Variants in PRSS55 observed in about 807,000 individuals in gnomAD.
PRSS55 encodes the protein probable serine protease UNQ9391/PRO34284.
PRSS55 carries 41 observed loss-of-function variants against 23.6 expected under a neutral mutation model. The ratio of observed to expected loss-of-function variants is 1.74; its 90% CI spans 1.35 to 2.26. PRSS55 has a LOEUF of 2.26. PRSS55 is among the 30% of genes most tolerant of loss of function. The pLI is 0.00. For missense variants in PRSS55, 669 were observed against 439.1 expected (o/e 1.52, Z -4.68); for synonymous variants, 262 against 175.5 (o/e 1.49, Z -3.90).
At chr8:10,538,369 A>T in intron 4 of PRSS55, 107 bp from the exon 5 acceptor site, 2 of 872,420 alleles carry the variant, frequency 2.3e-6, no homozygotes, top group Non-Finnish European at 3.5e-6. Context: ...GTGGGTTGGC[A>T]GCCAGAGTTG....
intron 4 of PRSS55, among the ~76,000 whole-genome samples, chr8:10,544,347 T>G (rs1293579006): frequency 6.6e-6 from 1 of 152,184 alleles, no homozygotes; most frequent in African/African-American, 2.4e-5. Context: ...ATCAGCTCTT[T>G]CATCATTATC....
intron 4 of PRSS55, among the ~76,000 whole-genome samples, chr8:10,551,802 C>G (rs533243129): frequency 6.6e-6 from 1 of 152,336 alleles, no homozygotes; most frequent in Middle Eastern, 3.4e-3. Context: ...CTGTGTCAAG[C>G]CCCGTGCTGT....
chr8:10,528,058 A>G (rs1356143638), intron 1 of PRSS55, among the ~76,000 whole-genome samples: 1 of 152,116 alleles, frequency 6.6e-6, no homozygotes, highest in Non-Finnish European at 1.5e-5. Context: ...CTACTAAAAA[A>G]TACAAAAACT....
At chr8:10,548,690 AAGG>A (rs1812879956) in intron 4 of PRSS55, among the ~76,000 whole-genome samples, 2 of 152,190 alleles carry the variant, frequency 1.3e-5, no homozygotes, top group South Asian at 4.1e-4. Flanking sequence ...GCCCAGGCAC[AAGG>A]TGGGACCCGG....
Position 10,529,308 on chromosome 8 carries a change from C to G in PRSS55, c.155-199C>G, listed in dbSNP as rs1812156399. On this transcript the variant is annotated intron_variant, in intron 1 of 4. Coordinates refer to ENST00000328655, the MANE Select transcript of PRSS55 (RefSeq NM_198464.4). The stretch of plus-strand genomic sequence containing the variant: ...GCTTCTGACTCTATCTGTTGCTGAG[C>G]TCTGTGTAGACAAAATAAACCATCT... The G allele has an allele frequency of 1.1e-5, 7 of 625,966 alleles. No individual in the cohort carries two copies. In the East Asian group the frequency reaches 1.7e-4, roughly 15 times the overall value. The allele number at this position is 625,966 out of a possible 1,614,324, so 38.8% of individuals were successfully genotyped here.
intron 1 of PRSS55, among the ~76,000 whole-genome samples, chr8:10,526,700 T>C (rs12679591): frequency 0.12 from 18,454 of 152,230 alleles, 1,500 homozygotes; most frequent in East Asian, 0.31. Context: ...ATGGATCCCA[T>C]TGATGCAAAA....
In PRSS55 at chr8:10,532,920, G is replaced by C; in HGVS notation, c.613G>C (p.Val205Leu). ...GQTNAADKNS[V>L]KTDLMKAPMV... ...CTCTGGGCCAGCTGACAAAAACTCT[G>C]TGAAAACGGATCTGATGAAAGCGCC... Residue 205 changes from valine to leucine, a missense_variant, in exon 4 of 5, where the codon GTG becomes CTG. By Grantham distance (32) the Val-to-Leu change is conservative (BLOSUM62 1). Coordinates refer to ENST00000328655, the MANE Select transcript of PRSS55 (RefSeq NM_198464.4). 1 of 1,614,186 alleles carries C rather than the reference G, an allele frequency of 6.2e-7. No individual in the cohort carries two copies.
At position 10,536,687 on chromosome 8, in the gene PRSS55, A is replaced by AG. The variant is rs370187592; in HGVS notation, c.742-1789_742-1788insG. Among the ~76,000 whole-genome samples, 142 of 152,092 alleles carry AG rather than the reference A, an allele frequency of 9.3e-4. 2 individuals carry two copies. The highest frequency in any genetic ancestry group is 2.5e-3 in the African/African-American group (102 of 41,462). Reference sequence around the variant, plus strand: ...CACTGTGGAATACTACGAAGCCATAAAAAAAAACAAAATCATATCCTTTGC... The same window carrying AG: ...CACTGTGGAATACTACGAAGCCATAAGAAAAAAACAAAATCATATCCTTTGC... On this transcript the variant is annotated intron_variant, in intron 4 of 4. Transcript: ENST00000328655.
intron 4 of PRSS55, among the ~76,000 whole-genome samples, chr8:10,544,346 TTCA>T (rs1246224425): frequency 6.6e-6 from 1 of 152,194 alleles, no homozygotes; most frequent in African/African-American, 2.4e-5. Flanking sequence ...TATCAGCTCT[TTCA>T]TCATTATCAT....
chr8:10,539,044 C>T (rs1723330754), downstream of PRSS55, among the ~76,000 whole-genome samples: 1 of 148,062 alleles, frequency 6.8e-6, no homozygotes, highest in African/African-American at 2.5e-5. Context: ...TTTATGGATA[C>T]ATATAACAGA....
intron 2 of PRSS55, among the ~76,000 whole-genome samples, chr8:10,530,290 T>C (rs1812204856): frequency 6.6e-6 from 1 of 152,074 alleles, no homozygotes; most frequent in Admixed American, 6.5e-5. Context: ...GCCTGGCCAA[T>C]ATGGTGAAAC....
intron 4 of PRSS55, among the ~76,000 whole-genome samples, chr8:10,547,965 A>T (rs1410168204): frequency 2.7e-5 from 4 of 146,048 alleles, no homozygotes; most frequent in South Asian, 4.4e-4. Context: ...AACAGGGAAG[A>T]AGGAGTGTGG....
chr8:10,528,660 C>T (rs1812125924), intron 1 of PRSS55, among the ~76,000 whole-genome samples: 1 of 152,154 alleles, frequency 6.6e-6, no homozygotes, highest in Non-Finnish European at 1.5e-5. Context: ...CTTTCTATGC[C>T]CCACCCCTTG....
intron 2 of PRSS55, among the ~76,000 whole-genome samples, chr8:10,531,068 G>T (rs1812239549): frequency 6.6e-6 from 1 of 151,756 alleles, no homozygotes; most frequent in South Asian, 2.1e-4. Flanking sequence ...GCCCCTGATG[G>T]TGCAGTGGTC....
chr8:10,551,747 CCCAT>C (rs1812956629), intron 4 of PRSS55, among the ~76,000 whole-genome samples: 1 of 152,218 alleles, frequency 6.6e-6, no homozygotes, highest in Non-Finnish European at 1.5e-5. Context: ...AAGCTCCCAC[CCCAT>C]CCTTTTAGTG....
chr8:10,549,982 T>C (rs985001828), intron 4 of PRSS55, among the ~76,000 whole-genome samples: 4 of 152,202 alleles, frequency 2.6e-5, no homozygotes, highest in African/African-American at 9.7e-5. Flanking sequence ...TGCCGTGCTG[T>C]GATCTCAGCT....
In PRSS55 at chr8:10,532,957, T is replaced by C. The variant is rs751831013; in HGVS notation, c.650T>C (p.Met217Thr). ...TDLMKAPMVIMDWEECSKMFP... is the reference protein window; with the variant it reads ...TDLMKAPMVITDWEECSKMFP... ...CTGATGAAAGCGCCAATGGTCATCA[T>C]GGACTGGGAGGAGTGTTCAAAGATG... The change falls in exon 4 of 5, where the codon ATG (methionine) becomes ACG (threonine). Residue 217 changes from methionine (M) to threonine (T), a missense_variant. Transcript: ENST00000328655. 4.3e-6 allele frequency: 7 copies of C among 1,614,056 alleles called. No homozygotes were observed. In the East Asian group the frequency reaches 1.6e-4, roughly 36 times the overall value.
intron 4 of PRSS55, chr8:10,553,881 C>A (rs1585901260): frequency 8.9e-7 from 1 of 1,123,082 alleles, no homozygotes; most frequent in South Asian, 1.5e-5. Flanking sequence ...AATCAAAGCA[C>A]CACATTGTAC....
downstream of PRSS55, among the ~76,000 whole-genome samples, chr8:10,539,353 A>G (rs1035654976): frequency 5.9e-5 from 9 of 152,354 alleles, no homozygotes; most frequent in African/African-American, 1.7e-4. Flanking sequence ...CTCCAAGTTG[A>G]CATATGAGAT....
Sources: gnomAD v4.1 joint callset for allele counts (sites outside exome capture counted in the v4.1 genomes callset) on GRCh38, gnomAD v4.1.1 for gene constraint, MANE v1.5 for transcripts, NCBI Gene and HGNC (gene_info 2026-07-23, HGNC 2026-07-21) for gene names.